Variants in ANKFN1 observed in about 807,000 individuals in gnomAD.
The protein encoded by ANKFN1 is ankyrin repeat and fibronectin type III domain containing 1, also known as ankyrin repeat and fibronectin type-III domain-containing protein 1.
ANKFN1 carries 74 observed loss-of-function variants against 108.7 expected under a neutral mutation model. The observed-to-expected ratio is 0.68, with a 90% confidence interval of 0.56 to 0.83. The LOEUF (loss-of-function observed/expected upper bound fraction) is 0.83. Among genes scored for constraint, ANKFN1 ranks in the 40% least tolerant of loss-of-function variants. The pLI is 0.00. For synonymous variants in ANKFN1, 547 were observed against 516.2 expected (o/e 1.06, Z -0.81); for missense variants, 1,505 against 1,382.3 (o/e 1.09, Z -1.41).
chr17:56,104,484 C>A (rs1419189457), intron 4 of ANKFN1, among the ~76,000 whole-genome samples: 3 of 152,164 alleles, frequency 2.0e-5, no homozygotes, highest in Admixed American at 2.0e-4. Context: ...TTTTCTGACA[C>A]CCAGTTCAGC....
At position 56,511,049 on chromosome 17, in the gene ANKFN1, A is replaced by G. The variant is rs888155184; in HGVS notation, c.3221A>G (p.Glu1074Gly). 1 of 1,535,986 alleles carries G rather than the reference A, an allele frequency of 6.5e-7. No homozygotes were observed. Among genetic ancestry groups the G allele is most frequent in the Non-Finnish European group, 8.7e-7 (1 of 1,146,858 alleles). Residue 1074 changes from glutamate to glycine, a missense_variant, in exon 21 of 21, where the codon GAG (glutamate) becomes GGG (glycine). Transcript: ENST00000682825. ...LTLAHAASLP[E>G]ERNSSLQDAR... Reference sequence around the variant, plus strand: ...CTGGCCCACGCTGCCAGCCTTCCTGAGGAGCGGAACAGCAGTCTCCAGGAC... The same window carrying G: ...CTGGCCCACGCTGCCAGCCTTCCTGGGGAGCGGAACAGCAGTCTCCAGGAC...
intron 4 of ANKFN1, among the ~76,000 whole-genome samples, chr17:56,096,966 C>T (rs1348905354): frequency 6.6e-6 from 1 of 152,162 alleles, no homozygotes; most frequent in African/African-American, 2.4e-5. Flanking sequence ...TTTGCAGCAA[C>T]ATACATGGAG....
intron 3 of ANKFN1, among the ~76,000 whole-genome samples, chr17:56,280,886 T>C (rs1375631499): frequency 6.6e-6 from 1 of 152,148 alleles, no homozygotes; most frequent in Non-Finnish European, 1.5e-5. Context: ...TGGGAGGTAA[T>C]TGAATCATGG....
chr17:56,382,191 A>G (rs1294659772), intron 8 of ANKFN1, among the ~76,000 whole-genome samples: 2 of 152,232 alleles, frequency 1.3e-5, no homozygotes, highest in African/African-American at 2.4e-5. Flanking sequence ...TTCTTAAAGA[A>G]AAGAATTTTC....
intron 4 of ANKFN1, among the ~76,000 whole-genome samples, chr17:56,080,515 G>A (rs1463437349): frequency 3.3e-5 from 5 of 152,198 alleles, no homozygotes; most frequent in Non-Finnish European, 7.3e-5. Flanking sequence ...TAATCGTTGA[G>A]TGGCACAAGG....
At chr17:56,342,227 C>CTT (rs140624562) in intron 4 of ANKFN1, among the ~76,000 whole-genome samples, 6,998 of 145,230 alleles carry the variant, frequency 0.048, 276 homozygotes, top group African/African-American at 0.11. Context: ...AATGGTTTAT[C>CTT]TTTTTTTTTT....
intron 4 of ANKFN1, among the ~76,000 whole-genome samples, chr17:56,064,969 C>T (rs1905038153): frequency 6.6e-6 from 1 of 152,212 alleles, no homozygotes; most frequent in Non-Finnish European, 1.5e-5. Flanking sequence ...GGTGGGGGCT[C>T]CCCTGCCCGT....
chr17:56,086,721 G>A (rs1198701795), intron 4 of ANKFN1, among the ~76,000 whole-genome samples: 2 of 151,268 alleles, frequency 1.3e-5, no homozygotes, highest in Admixed American at 6.6e-5. Context: ...TGAGAAATGT[G>A]CACATTGTCC....
At chr17:56,170,219 G>C (rs983720631) in intron 1 of ANKFN1, among the ~76,000 whole-genome samples, 1 of 152,166 alleles carries the variant, frequency 6.6e-6, no homozygotes, top group Non-Finnish European at 1.5e-5. Flanking sequence ...CATTTATTGA[G>C]CTCCTACTGT....
At chr17:56,153,922 C>T (rs375543107) in intron 1 of ANKFN1, among the ~76,000 whole-genome samples, 57 of 152,218 alleles carry the variant, frequency 3.7e-4, no homozygotes, top group African/African-American at 7.0e-4. Context: ...ACTGTTCACA[C>T]GCTCTCACTG....
rs185465236 is a variant in ANKFN1 at position 56,226,214 on chromosome 17, A to G, written c.13-1703A>G. ...TCTTGTTGGGTCAAACTATAGAATA[A>G]TAACTAACAACTAATAATAATAACT... is the stretch of plus-strand genomic sequence containing the variant. On this transcript the variant is annotated intron_variant, in intron 2 of 20. Coordinates refer to ENST00000682825, the MANE Select transcript of ANKFN1 (RefSeq NM_001370326.1). Among the ~76,000 whole-genome samples, 224 of 152,212 alleles carry G rather than the reference A, an allele frequency of 1.5e-3. 1 individual carries two copies. The highest frequency in any genetic ancestry group is 4.7e-3 in the African/African-American group (196 of 41,538).
At chr17:56,172,794 G>A (rs1910797160) in intron 1 of ANKFN1, among the ~76,000 whole-genome samples, 1 of 152,152 alleles carries the variant, frequency 6.6e-6, no homozygotes, top group Non-Finnish European at 1.5e-5. Flanking sequence ...CTGTCTTAAA[G>A]GCACTACCTG....
intron 4 of ANKFN1, among the ~76,000 whole-genome samples, chr17:56,100,740 G>A (rs1418861308): frequency 2.0e-5 from 3 of 152,134 alleles, no homozygotes; most frequent in Non-Finnish European, 4.4e-5. Flanking sequence ...TTAGACCTGA[G>A]CATCCTCAGG....
At chr17:56,417,834 T>G (rs1797616795) in intron 8 of ANKFN1, among the ~76,000 whole-genome samples, 1 of 152,214 alleles carries the variant, frequency 6.6e-6, no homozygotes, top group African/African-American at 2.4e-5. Flanking sequence ...ACTGGGAGCC[T>G]ACTAGAACTC....
chr17:56,415,482 T>G (rs1202054958), intron 8 of ANKFN1, among the ~76,000 whole-genome samples: 1 of 152,154 alleles, frequency 6.6e-6, no homozygotes, highest in Admixed American at 6.5e-5. Context: ...ACATATAAAA[T>G]GAAATACCTA....
intron 3 of ANKFN1, among the ~76,000 whole-genome samples, chr17:56,289,839 C>A (rs1029745909): frequency 6.6e-6 from 1 of 152,206 alleles, no homozygotes; most frequent in African/African-American, 2.4e-5. Flanking sequence ...GTAACTGTTT[C>A]TGCCATAGTG....
intron 1 of ANKFN1, among the ~76,000 whole-genome samples, chr17:56,155,546 G>T (rs930959846): frequency 2.0e-5 from 3 of 152,178 alleles, no homozygotes; most frequent in Admixed American, 6.5e-5. Context: ...CTTTGAGGAG[G>T]TGACAGTTAA....
intron 4 of ANKFN1, among the ~76,000 whole-genome samples, chr17:56,144,004 A>G (rs1908083098): frequency 6.6e-6 from 1 of 152,020 alleles, no homozygotes; most frequent in African/African-American, 2.4e-5. Context: ...TGCTATAGTA[A>G]CCCTAGCAAA....
At chr17:56,279,352 G>A (rs2044012674) in intron 3 of ANKFN1, among the ~76,000 whole-genome samples, 1 of 152,048 alleles carries the variant, frequency 6.6e-6, no homozygotes, top group Admixed American at 6.6e-5. Context: ...TCTAAAAGCA[G>A]TTTTCTCTAA....
Sources: allele counts gnomAD v4.1 joint callset (sites outside exome capture counted in the v4.1 genomes callset), GRCh38; gene constraint gnomAD v4.1.1; transcripts MANE v1.5; gene names NCBI Gene and HGNC (gene_info 2026-07-23, HGNC 2026-07-21).